The following KHNYN variants were observed in gnomAD, a reference collection of about 807,000 sequenced individuals.
The protein encoded by KHNYN is protein KHNYN.
A neutral mutation model predicts 62.7 loss-of-function variants in KHNYN; 42 were observed. That is an observed-to-expected ratio of 0.67 (90% CI 0.52 to 0.87). The LOEUF (loss-of-function observed/expected upper bound fraction) is 0.87. KHNYN is among the 40% of genes least tolerant of loss of function. The probability of loss-of-function intolerance (pLI) is 0.00; values close to 1 mark genes in which losing one functional copy is unlikely to be tolerated. For synonymous variants in KHNYN, 347 were observed against 345.6 expected (o/e 1.00, Z -0.04); for missense variants, 829 against 874.1 (o/e 0.95, Z 0.65).
At chr14:24,425,071 C>T (rs1044675377), upstream of KHNYN, among the ~76,000 whole-genome samples, 4 of 152,070 alleles carry the variant, frequency 2.6e-5, no homozygotes, top group East Asian at 1.9e-4. Flanking sequence ...TGTGGTGGCT[C>T]GCACCTGTAA....
chr14:24,437,312 C>G lies in KHNYN; in HGVS notation c.*27C>G. The G allele has an allele frequency of 6.3e-7, 1 of 1,593,498 alleles. No individual in the cohort carries two copies. The highest frequency in any genetic ancestry group is 8.6e-7 in the Non-Finnish European group (1 of 1,166,918). ...CCTCACCTGCTTGAGTGGCTGCCGC[C>G]CTGTCAGCTCCAGCCGCCTCCAGCT... On this transcript the variant is annotated 3_prime_UTR_variant, in exon 8 of 8. Coordinates refer to ENST00000553935, the MANE Select transcript of KHNYN (RefSeq NM_015299.3). This position sits in a 1 kb window ranked among gnomAD's most constrained non-coding sequence, Gnocchi z 5.5.
chr14:24,425,065 G>C (rs1235214053), upstream of KHNYN, among the ~76,000 whole-genome samples: 1 of 152,102 alleles, frequency 6.6e-6, no homozygotes, highest in Admixed American at 6.5e-5. Context: ...GCTGGGTGTG[G>C]TGGCTCGCAC....
At chr14:24,428,377 T>C, upstream of KHNYN, 1 of 1,613,482 alleles carries the variant, frequency 6.2e-7, no homozygotes, top group Non-Finnish European at 8.5e-7. Flanking sequence ...AGAGGCCCGG[T>C]CAAAGCCACC....
Position 24,430,739 on chromosome 14 carries a change from C to T in KHNYN, c.9C>T (p.Thr3=), listed in dbSNP as rs541500478. 6.4e-7 allele frequency: 1 copy of T among 1,564,278 alleles called. No individual in the cohort carries two copies. Among genetic ancestry groups the T allele is most frequent in the Non-Finnish European group, 8.7e-7 (1 of 1,154,196 alleles). The change falls in exon 2 of 8, where the codon ACC becomes ACT. Residue 3 remains threonine (T), a synonymous_variant. Transcript: ENST00000553935. MP[T]WGARPASPDR... ...GGCTGGGGGCAGCAGCCATGCCTACCTGGGGGGCCCGCCCCGCGTCCCCAG... is the reference window on the plus strand; with the variant it reads ...GGCTGGGGGCAGCAGCCATGCCTACTTGGGGGGCCCGCCCCGCGTCCCCAG...
At chr14:24,429,214 C>T (rs1755390449), upstream of KHNYN, 3 of 729,866 alleles carry the variant, frequency 4.1e-6, no homozygotes, top group African/African-American at 5.3e-5. Context: ...GTCCTGCCTC[C>T]CACTCTTACT....
Position 24,430,131 on chromosome 14 carries a change from C to T in KHNYN, c.-18+12C>T. ...GGGCGGCGGAGGCGGTAGGCGCGCC[C>T]CTCCACCGCGCCCGGGAGCGGGGAG... is the stretch of plus-strand genomic sequence containing the variant. On this transcript the variant is annotated intron_variant, in intron 1 of 7. Coordinates refer to ENST00000553935, the MANE Select transcript of KHNYN (RefSeq NM_015299.3). The T allele has an allele frequency of 1.0e-6, 1 of 983,936 alleles. No individual in the cohort carries two copies. The highest frequency in any genetic ancestry group is 1.2e-6 in the Non-Finnish European group (1 of 829,088). 61.0% of individuals were successfully genotyped at this position (983,936 alleles called of 1,614,324 possible). A position where few individuals can be genotyped will look rare whatever the true frequency, so the allele number is the denominator to read the frequency against.
At chr14:24,429,782 C>G, upstream of KHNYN, 2 of 985,282 alleles carry the variant, frequency 2.0e-6, no homozygotes, top group Non-Finnish European at 2.4e-6. Context: ...GGCCGGGAGA[C>G]AGACGGGAGG....
chr14:24,440,957 G>C lies in KHNYN; in HGVS notation c.*3672G>C. The stretch of plus-strand genomic sequence containing the variant: ...GGTGGAACACAATCATTTGCCCTGG[G>C]TGTCCTTGGTCCTGCCTGGCTCTCT... On this transcript the variant is annotated 3_prime_UTR_variant, in exon 8 of 8. Coordinates refer to ENST00000553935, the MANE Select transcript of KHNYN (RefSeq NM_015299.3). The C allele has an allele frequency of 6.2e-7, 1 of 1,613,670 alleles. No individual in the cohort carries two copies. Among genetic ancestry groups the C allele is most frequent in the East Asian group, 2.2e-5 (1 of 44,870 alleles).
At chr14:24,425,184 G>A (rs1308963479), upstream of KHNYN, among the ~76,000 whole-genome samples, 1 of 152,208 alleles carries the variant, frequency 6.6e-6, no homozygotes, top group Non-Finnish European at 1.5e-5. Context: ...CTGGTCGACA[G>A]AGCATGACTC....
chr14:24,436,911 C>G, intron 7 of KHNYN, 125 bp from the exon 8 acceptor site: 1 of 1,294,906 alleles, frequency 7.7e-7, no homozygotes, highest in East Asian at 2.3e-5. Context: ...TGGTCAGCTT[C>G]AGGAACTTCA....
rs761000188 is a variant in KHNYN, at chr14:24,441,686, C to G, written c.*4401C>G. 23 of 1,587,168 alleles carry G rather than the reference C, an allele frequency of 1.4e-5. No homozygotes were observed. The highest frequency in any genetic ancestry group is 1.6e-5 in the Non-Finnish European group (19 of 1,172,622). On this transcript the variant is annotated 3_prime_UTR_variant, in exon 8 of 8. Coordinates refer to ENST00000553935, the MANE Select transcript of KHNYN (RefSeq NM_015299.3). ...TTGGGGGGCGTACCTACACCTGTGA[C>G]TAAGACCCAGGCCTTGGGGGGTTGT...
At chr14:24,428,254 G>C (rs748118350), upstream of KHNYN, 1 of 1,611,266 alleles carries the variant, frequency 6.2e-7, no homozygotes, top group African/African-American at 1.3e-5. Context: ...CCACCCTCCT[G>C]AGCCGGGGAT....
chr14:24,436,335 G>T, intron 6 of KHNYN, 53 bp from the exon 7 acceptor site: 1 of 1,524,878 alleles, frequency 6.6e-7, no homozygotes, highest in African/African-American at 1.4e-5. Flanking sequence ...TCGGTTGTCT[G>T]GGAGGTGGGC....
rs11625820 is a variant in KHNYN, at chr14:24,441,768, T to C, written c.*4483T>C. ...GGGTGGTCTCTAGGCGGCTGCCGATTACCTCTTTTTGGAAGGTTTCATTCC... is the reference window on the plus strand; with the variant it reads ...GGGTGGTCTCTAGGCGGCTGCCGATCACCTCTTTTTGGAAGGTTTCATTCC... On this transcript the variant is annotated 3_prime_UTR_variant, in exon 8 of 8. Transcript: ENST00000553935. 3.7e-6 allele frequency: 6 copies of C among 1,601,332 alleles called. No individual in the cohort carries two copies. The Admixed American group carries it at 1.1e-4, about 29-fold the overall frequency.
At position 24,431,884 on chromosome 14, in the gene KHNYN, C is replaced by T. The variant is rs1450198957; in HGVS notation, c.623C>T (p.Ser208Phe). 6.2e-7 allele frequency: 1 copy of T among 1,614,018 alleles called. No individual in the cohort carries two copies. Among genetic ancestry groups the T allele is most frequent in the East Asian group, 2.2e-5 (1 of 44,886 alleles). ...GGGCAGGGGCCAGGAGCACTGGCTT[C>T]TTGGGAGGGGCGGAGCTCAGCCTTG... is the stretch of plus-strand genomic sequence containing the variant. ...SSGQGPGALA[S>F]WEGRSSALLG... Residue 208 changes from serine to phenylalanine, a missense_variant, in exon 3 of 8, where the codon TCT becomes TTT. Around this residue, in one of 2 missense-constraint regions of KHNYN, gnomAD observed 559 missense variants for 527.0 expected, o/e 1.06. Transcript: ENST00000553935.
Position 24,430,919 on chromosome 14 carries a change from C to T in KHNYN, c.189C>T (p.Ala63=), listed in dbSNP as rs980467775. The part of the protein sequence containing the change: ...WLQLEGPKEN[A]SRAKEYLKGL... Reference sequence around the variant, plus strand: ...AGCTGGAGGGCCCCAAGGAAAACGCCAGCAGAGCCAAGGTGAACGCCTTCT... The same window carrying T: ...AGCTGGAGGGCCCCAAGGAAAACGCTAGCAGAGCCAAGGTGAACGCCTTCT... Residue 63 remains alanine (A), a synonymous_variant, in exon 2 of 8, where the codon GCC becomes GCT. Transcript: ENST00000553935. The T allele has an allele frequency of 6.2e-7, 1 of 1,612,950 alleles. No individual in the cohort carries two copies. Among genetic ancestry groups the T allele is most frequent in the Non-Finnish European group, 8.5e-7 (1 of 1,179,102 alleles).
rs148618140 is a variant in KHNYN at position 24,431,696 on chromosome 14, C to T, written c.435C>T (p.Asp145=). ...VEELAERLSW[D]FTPGPSSGAS... ...AGCTGGCAGAGCGGCTGAGCTGGGA[C>T]TTCACGCCAGGACCATCTTCCGGAG... The change falls in exon 3 of 8, where the codon GAC becomes GAT. Residue 145 remains aspartate (D), a synonymous_variant. Coordinates refer to ENST00000553935, the MANE Select transcript of KHNYN (RefSeq NM_015299.3). 2.8e-4 allele frequency: 460 copies of T among 1,614,192 alleles called. No individual in the cohort carries two copies. In the African/African-American group the frequency reaches 4.3e-3, roughly 15 times the overall value.
chr14:24,427,710 C>A, upstream of KHNYN: 2 of 1,335,740 alleles, frequency 1.5e-6, no homozygotes, highest in South Asian at 2.5e-5. The surrounding 1 kb of genome is among the most constrained non-coding windows in gnomAD (Gnocchi z 4.4). Flanking sequence ...CTCTCTCCTG[C>A]CTCTGCTGTT....
rs553272858 is a variant in KHNYN, at chr14:24,441,331, A to G, written c.*4046A>G. The G allele has an allele frequency of 4.4e-6, 2 of 450,834 alleles. No individual in the cohort carries two copies. Among genetic ancestry groups the G allele is most frequent in the Non-Finnish European group, 8.0e-6 (2 of 251,280 alleles). The allele number at this position is 450,834 out of a possible 1,614,324, so 27.9% of individuals were successfully genotyped here. The stretch of plus-strand genomic sequence containing the variant: ...TAAGGAATAAATGATAATAAGCATA[A>G]AACACTTCAAATAGTGGCTGGTGTG... On this transcript the variant is annotated 3_prime_UTR_variant, in exon 8 of 8. Transcript: ENST00000553935.
Sources: allele counts gnomAD v4.1 joint callset (sites outside exome capture counted in the v4.1 genomes callset), GRCh38; gene constraint gnomAD v4.1.1; regional missense constraint gnomAD v4.1.1; non-coding constraint Gnocchi (gnomAD v3.1); transcripts MANE v1.5; gene names NCBI Gene and HGNC (gene_info 2026-07-23, HGNC 2026-07-21).